The following CYP39A1 variants were observed in gnomAD, a reference collection of about 807,000 sequenced individuals.
CYP39A1 encodes the protein cytochrome P450 family 39 subfamily A member 1.
In CYP39A1, 49 loss-of-function variants were observed where a neutral mutation model predicts 58.1. That is an observed-to-expected ratio of 0.84 (90% CI 0.67 to 1.07). The LOEUF (loss-of-function observed/expected upper bound fraction) is 1.07, where lower values mean the gene tolerates loss of function less well. Ranked by LOEUF, CYP39A1 falls within the 50% of genes least tolerant of loss-of-function variation. CYP39A1 has a pLI of 0.00. For synonymous variants in CYP39A1, 209 were observed against 187.6 expected (o/e 1.11, Z -0.93); for missense variants, 531 against 539.4 (o/e 0.98, Z 0.16).
intron 10 of CYP39A1, among the ~76,000 whole-genome samples, chr6:46,582,061 C>A (rs1772162245): frequency 6.6e-6 from 1 of 152,156 alleles, no homozygotes; most frequent in Non-Finnish European, 1.5e-5. Flanking sequence ...ACCCTCATTC[C>A]TAACCCTCTT....
intron 1 of CYP39A1, among the ~76,000 whole-genome samples, chr6:46,648,419 A>G (rs1762461491): frequency 6.6e-6 from 1 of 150,660 alleles, no homozygotes; most frequent in African/African-American, 2.4e-5. Flanking sequence ...AGGACAAAAA[A>G]TCAAACACCA....
At chr6:46,597,639 GACA>G (rs1345924121) in intron 7 of CYP39A1, among the ~76,000 whole-genome samples, 2 of 152,046 alleles carry the variant, frequency 1.3e-5, no homozygotes, top group East Asian at 3.9e-4. Context: ...TAAGACTGCA[GACA>G]ACATGAGTAC....
At chr6:46,559,302 G>A (rs1396318462) in intron 10 of CYP39A1, among the ~76,000 whole-genome samples, 2 of 152,116 alleles carry the variant, frequency 1.3e-5, no homozygotes, top group South Asian at 2.1e-4. Context: ...TCAGAGGAGG[G>A]ATGAGACTAA....
At chr6:46,647,577 T>C (rs186920578) in intron 1 of CYP39A1, among the ~76,000 whole-genome samples, 223 of 152,326 alleles carry the variant, frequency 1.5e-3, no homozygotes, top group South Asian at 3.5e-3. Flanking sequence ...GTAGACACCA[T>C]TTCCCTCATT....
At chr6:46,614,395 C>T (rs749186132) in intron 7 of CYP39A1, among the ~76,000 whole-genome samples, 4 of 152,172 alleles carry the variant, frequency 2.6e-5, no homozygotes, top group Non-Finnish European at 4.4e-5. Flanking sequence ...CCTAGTCCTT[C>T]CGAGTTTCCA....
chr6:46,614,789 T>C (rs974000169), intron 7 of CYP39A1, among the ~76,000 whole-genome samples: 1 of 152,156 alleles, frequency 6.6e-6, no homozygotes, highest in Non-Finnish European at 1.5e-5. Flanking sequence ...TATGTAACTT[T>C]TAAGAGGGCT....
At chr6:46,554,712 C>A (rs1284670717) in intron 10 of CYP39A1, among the ~76,000 whole-genome samples, 2 of 152,152 alleles carry the variant, frequency 1.3e-5, no homozygotes, top group African/African-American at 4.8e-5. Context: ...TTTTAGGAAG[C>A]ATAGCCCTTA....
intron 7 of CYP39A1, among the ~76,000 whole-genome samples, chr6:46,609,398 C>T (rs907603647): frequency 3.6e-5 from 5 of 139,886 alleles, no homozygotes; most frequent in African/African-American, 8.1e-5. Context: ...GCCTGGGCGA[C>T]AGCGAGACTC....
intron 7 of CYP39A1, among the ~76,000 whole-genome samples, chr6:46,603,830 C>G (rs1477549949): frequency 1.3e-5 from 2 of 152,180 alleles, no homozygotes; most frequent in African/African-American, 4.8e-5. Context: ...GCCTAGGGGA[C>G]ATCAAGGGGA....
At chr6:46,581,847 C>T (rs905713931) in intron 10 of CYP39A1, among the ~76,000 whole-genome samples, 1 of 152,192 alleles carries the variant, frequency 6.6e-6, no homozygotes, top group East Asian at 1.9e-4. Context: ...TCTTGACATA[C>T]TTATGTCTTA....
intron 1 of CYP39A1, among the ~76,000 whole-genome samples, chr6:46,647,989 G>A (rs952082379): frequency 6.6e-6 from 1 of 152,140 alleles, no homozygotes; most frequent in African/African-American, 2.4e-5. Flanking sequence ...TTAGAATGGC[G>A]ATCATTATAA....
intron 7 of CYP39A1, among the ~76,000 whole-genome samples, chr6:46,608,739 C>T (rs1411985799): frequency 6.6e-6 from 1 of 152,012 alleles, no homozygotes; most frequent in Non-Finnish European, 1.5e-5. Context: ...CTCAGCCTCC[C>T]GAGTAGCTGG....
intron 6 of CYP39A1, among the ~76,000 whole-genome samples, chr6:46,630,115 AAAC>A (rs570988220): frequency 1.4e-5 from 2 of 146,462 alleles, no homozygotes; most frequent in Admixed American, 6.6e-5. Flanking sequence ...AAACAAAACA[AAAC>A]AACAACAACA....
chr6:46,599,631 C>A (rs1279266251), intron 7 of CYP39A1, among the ~76,000 whole-genome samples: 1 of 152,130 alleles, frequency 6.6e-6, no homozygotes, highest in Non-Finnish European at 1.5e-5. Flanking sequence ...CCCAAGACTG[C>A]CAGGTGTCAG....
chr6:46,579,163 T>C (rs1771994168), intron 10 of CYP39A1, among the ~76,000 whole-genome samples: 1 of 152,064 alleles, frequency 6.6e-6, no homozygotes, highest in Non-Finnish European at 1.5e-5. Context: ...TAAAACTTAC[T>C]TTGTTTACTT....
At chr6:46,642,397 G>C in intron 1 of CYP39A1, 99 bp from the exon 2 acceptor site, 1 of 1,158,200 alleles carries the variant, frequency 8.6e-7, no homozygotes, top group Non-Finnish European at 1.2e-6. Flanking sequence ...ATAGTCAAAA[G>C]AAAAATTATT....
chr6:46,630,515 T>C (rs1450731891), intron 6 of CYP39A1, among the ~76,000 whole-genome samples: 1 of 152,124 alleles, frequency 6.6e-6, no homozygotes, highest in Non-Finnish European at 1.5e-5. Context: ...ACCATGACAG[T>C]CTACAACTAC....
At chr6:46,627,886 AT>A (rs1267077727) in intron 6 of CYP39A1, among the ~76,000 whole-genome samples, 1 of 152,216 alleles carries the variant, frequency 6.6e-6, no homozygotes, top group African/African-American at 2.4e-5. Flanking sequence ...GTGCACCCAC[AT>A]TTGGGAAAGG....
chr6:46,611,145 AT>A (rs1396863951), intron 7 of CYP39A1, among the ~76,000 whole-genome samples: 1 of 152,232 alleles, frequency 6.6e-6, no homozygotes, highest in Admixed American at 6.5e-5. Flanking sequence ...CATCTCAGTC[AT>A]TTCTGGCCTT....
Sources: gnomAD v4.1 joint callset for allele counts (sites outside exome capture counted in the v4.1 genomes callset) on GRCh38, gnomAD v4.1.1 for gene constraint, MANE v1.5 for transcripts, NCBI Gene and HGNC (gene_info 2026-07-23, HGNC 2026-07-21) for gene names.